Variants in ENOX1 observed in about 807,000 individuals in gnomAD.
ENOX1 encodes the protein ecto-NOX disulfide-thiol exchanger 1, also known as candidate growth-related and time keeping constitutive hydroquinone (NADH) oxidase.
Under a neutral mutation model 82.5 loss-of-function variants are expected in ENOX1, and 42 were observed. The observed-to-expected ratio is 0.51, with a 90% CI of 0.40 to 0.66. ENOX1 has a LOEUF of 0.66. Among genes scored for constraint, ENOX1 ranks in the 30% least tolerant of loss-of-function variants. ENOX1 has a pLI of 0.00. For synonymous variants in ENOX1, 271 were observed against 282.2 expected, an observed-to-expected ratio of 0.96 and a Z score of 0.40; for missense variants, 608 against 811.6, an observed-to-expected ratio of 0.75 and a Z score of 3.05.
rs1555290142 is a variant in ENOX1 at position 43,470,377 on chromosome 13, C to CACATATATATGT, written c.-75+13631_-75+13632insACATATATATGT. ...ATGTATATATATACGTATATATATA[C>CACATATATATGT]ATATATATACGTATATATATGTGTA... On this transcript the variant is annotated intron_variant, in intron 3 of 16. Transcript: ENST00000690772. 2.2e-3 allele frequency among the ~76,000 whole-genome samples: 60 copies of CACATATATATGT among 27,046 alleles called. 8 individuals carry two copies. The highest frequency in any genetic ancestry group is 3.4e-3 in the Non-Finnish European group (47 of 14,010). The allele number at this position is 27,046 out of a possible 152,430, so 17.7% of individuals were successfully genotyped here.
intron 1 of ENOX1, among the ~76,000 whole-genome samples, chr13:43,690,288 A>G (rs9562506): frequency 6.6e-6 from 1 of 150,784 alleles, no homozygotes; most frequent in East Asian, 1.9e-4. Context: ...CAAGCAGATT[A>G]AAAAAAGCTG....
In ENOX1 at chr13:43,738,800, T is replaced by C. The variant is rs551511448; in HGVS notation, c.-285+47852A>G. 7.2e-5 allele frequency among the ~76,000 whole-genome samples: 11 copies of C among 152,244 alleles called. No homozygotes were observed. The South Asian group carries it at 2.3e-3, about 32-fold the overall frequency. ...ATCAGTAACTCAATTATTAAGGAGGTCCAGCACTCATCCCAATTAAAACTG... is the reference window on the plus strand; with the variant it reads ...ATCAGTAACTCAATTATTAAGGAGGCCCAGCACTCATCCCAATTAAAACTG... On this transcript the variant is annotated intron_variant, in intron 1 of 16. Coordinates refer to ENST00000690772, the MANE Select transcript of ENOX1 (RefSeq NM_001347969.2).
intron 3 of ENOX1, among the ~76,000 whole-genome samples, chr13:43,439,659 A>C (rs1488447702): frequency 3.4e-5 from 4 of 117,658 alleles, no homozygotes; most frequent in Non-Finnish European, 7.9e-5. Flanking sequence ...TCTTATAGCA[A>C]CTCGTTCTTT....
At chr13:43,673,312 T>C (rs1163850325) in intron 1 of ENOX1, among the ~76,000 whole-genome samples, 4 of 152,028 alleles carry the variant, frequency 2.6e-5, no homozygotes, top group African/African-American at 9.7e-5. Flanking sequence ...TACCACCACT[T>C]CTACCATATC....
In ENOX1 at chr13:43,429,527, A is replaced by G. The variant is rs976627780; in HGVS notation, c.-74-16539T>C. Among the ~76,000 whole-genome samples the G allele has an allele frequency of 1.1e-4, 16 of 152,210 alleles. 1 individual carries two copies. Among genetic ancestry groups the G allele is most frequent in the South Asian group, 4.1e-4 (2 of 4,828 alleles). ...CTGTGTGTGACTGGGATTCGGCATAAGCATCACAATTTTGGTTTGTAAATT... is the reference window on the plus strand; with the variant it reads ...CTGTGTGTGACTGGGATTCGGCATAGGCATCACAATTTTGGTTTGTAAATT... On this transcript the variant is annotated intron_variant, in intron 3 of 16. Coordinates refer to ENST00000690772, the MANE Select transcript of ENOX1 (RefSeq NM_001347969.2).
chr13:43,657,431 C>G (rs1355756679), intron 2 of ENOX1, among the ~76,000 whole-genome samples: 1 of 152,104 alleles, frequency 6.6e-6, no homozygotes, highest in Non-Finnish European at 1.5e-5. Context: ...AGGTGGGGTT[C>G]TGAGGTAGCA....
At chr13:43,732,549 A>C (rs529395431) in intron 1 of ENOX1, among the ~76,000 whole-genome samples, 33 of 152,344 alleles carry the variant, frequency 2.2e-4, no homozygotes, top group Middle Eastern at 3.4e-3. Context: ...CTATTTTTAA[A>C]AAATTTAGAA....
rs1444963111 is a variant in ENOX1 at position 43,470,348 on chromosome 13, ATATATG to A, written c.-75+13655_-75+13660del. ...TATATATGTATATATATACGTATATATATATGTATATATATACGTATATATATACAT... is the reference window on the plus strand; with the variant it reads ...TATATATGTATATATATACGTATATATATATATATACGTATATATATACAT... On this transcript the variant is annotated intron_variant, in intron 3 of 16. Transcript: ENST00000690772. Among the ~76,000 whole-genome samples the A allele has an allele frequency of 8.9e-5, 4 of 44,720 alleles. 1 individual carries two copies. Among genetic ancestry groups the A allele is most frequent in the East Asian group, 3.2e-3 (1 of 314 alleles). The allele number at this position is 44,720 out of a possible 152,430, so 29.3% of individuals were successfully genotyped here.
intron 2 of ENOX1, among the ~76,000 whole-genome samples, chr13:43,530,294 T>C (rs1406789815): frequency 6.6e-6 from 1 of 152,132 alleles, no homozygotes; most frequent in African/African-American, 2.4e-5. Context: ...AGTAGAATTT[T>C]TCCAAAAGAA....
At chr13:43,271,750 A>G (rs1331691404) in intron 12 of ENOX1, among the ~76,000 whole-genome samples, 1 of 151,858 alleles carries the variant, frequency 6.6e-6, no homozygotes, top group Admixed American at 6.6e-5. Flanking sequence ...CCTCCCTCTT[A>G]TCTCATCCAT....
chr13:43,293,629 C>G (rs187144288), intron 12 of ENOX1, among the ~76,000 whole-genome samples: 3 of 152,290 alleles, frequency 2.0e-5, no homozygotes, highest in Admixed American at 2.0e-4. Flanking sequence ...TGAGTGCAAG[C>G]TTTTCTCTTT....
Position 43,331,806 on chromosome 13 carries a change from G to A in ENOX1, c.1037-5281C>T, listed in dbSNP as rs1209776438. Among the ~76,000 whole-genome samples, 6 of 152,080 alleles carry A rather than the reference G, an allele frequency of 3.9e-5. No individual in the cohort carries two copies. The East Asian group carries it at 5.8e-4, about 15-fold the overall frequency. ...GTCCAAGGGAGAAGCGGTATGTGTC[G>A]GACAGCACATAAGAGGAAGCTGCTG... On this transcript the variant is annotated intron_variant, in intron 9 of 16. Coordinates refer to ENST00000690772, the MANE Select transcript of ENOX1 (RefSeq NM_001347969.2).
intron 1 of ENOX1, among the ~76,000 whole-genome samples, chr13:43,776,686 C>A (rs1186366010): frequency 6.6e-6 from 1 of 152,152 alleles, no homozygotes; most frequent in Non-Finnish European, 1.5e-5. Flanking sequence ...CTCCCCTGGA[C>A]TATAGCAGGA....
chr13:43,586,899 C>A (rs1297117972), intron 2 of ENOX1, among the ~76,000 whole-genome samples: 3 of 102,708 alleles, frequency 2.9e-5, no homozygotes, highest in East Asian at 2.5e-4. Context: ...CCTGTCTCTA[C>A]TAAAAATACA....
chr13:43,344,452 A>C, intron 9 of ENOX1, 86 bp downstream of exon 9: 38 of 1,085,222 alleles, frequency 3.5e-5, no homozygotes, highest in Non-Finnish European at 4.6e-5. Context: ...TTATTGAACT[A>C]CTTACCCCCA....
chr13:43,597,208 T>C (rs1270316134), intron 2 of ENOX1, among the ~76,000 whole-genome samples: 1 of 152,118 alleles, frequency 6.6e-6, no homozygotes, highest in African/African-American at 2.4e-5. Flanking sequence ...TCTGCCCCCA[T>C]GAGCCAATCA....
At chr13:43,274,133 G>A (rs954189825) in intron 12 of ENOX1, among the ~76,000 whole-genome samples, 15 of 152,152 alleles carry the variant, frequency 9.9e-5, no homozygotes, top group Admixed American at 5.2e-4. Context: ...GAAAACAGCA[G>A]TTTCATTTAA....
At chr13:43,528,620 T>C (rs2078080965) in intron 2 of ENOX1, among the ~76,000 whole-genome samples, 1 of 152,158 alleles carries the variant, frequency 6.6e-6, no homozygotes, top group Admixed American at 6.6e-5. Context: ...TGAATATTTA[T>C]TTTTCATTTT....
At chr13:43,343,503 T>C (rs993121386) in intron 9 of ENOX1, among the ~76,000 whole-genome samples, 13 of 152,226 alleles carry the variant, frequency 8.5e-5, no homozygotes, top group Non-Finnish European at 2.9e-5. Context: ...TATCATATGC[T>C]ACGCTGCTGT....
Sources: allele counts gnomAD v4.1 joint callset (sites outside exome capture counted in the v4.1 genomes callset), GRCh38; gene constraint gnomAD v4.1.1; transcripts MANE v1.5; gene names NCBI Gene and HGNC (gene_info 2026-07-23, HGNC 2026-07-21).